The following KLHL14 variants were observed in gnomAD, a reference collection of about 807,000 sequenced individuals.
KLHL14 encodes the protein kelch-like protein 14.
A neutral mutation model predicts 64.3 loss-of-function variants in KLHL14; 22 were observed. That is an observed-to-expected ratio of 0.34 (90% CI 0.24 to 0.49). KLHL14 has a LOEUF of 0.49. Ranked by LOEUF, KLHL14 falls within the 20% of genes least tolerant of loss-of-function variation. The probability of loss-of-function intolerance (pLI) is 0.99; values close to 1 mark genes in which losing one functional copy is unlikely to be tolerated. For missense variants in KLHL14, 661 were observed against 789.0 expected (o/e 0.84, Z 1.94); for synonymous variants, 322 against 333.4 (o/e 0.97, Z 0.37).
chr18:32,694,697 C>T (rs887667470), intron 4 of KLHL14, among the ~76,000 whole-genome samples: 6 of 152,140 alleles, frequency 3.9e-5, no homozygotes, highest in African/African-American at 1.4e-4. Context: ...GCTGGATGTT[C>T]TGGGGTTTTA....
At chr18:32,714,186 T>A (rs1448414500) in intron 3 of KLHL14, among the ~76,000 whole-genome samples, 3 of 152,176 alleles carry the variant, frequency 2.0e-5, no homozygotes, top group Admixed American at 1.3e-4. Flanking sequence ...ACTGCAGTGG[T>A]GAACCCAGTG....
In KLHL14 at chr18:32,683,966, C is replaced by A. The variant is rs1189896336; in HGVS notation, c.1238+3189G>T. 6.6e-6 allele frequency among the ~76,000 whole-genome samples: 1 copy of A among 152,040 alleles called. No homozygotes were observed. Among genetic ancestry groups the A allele is most frequent in the African/African-American group, 2.4e-5 (1 of 41,412 alleles). On this transcript the variant is annotated intron_variant, in intron 5 of 8. Coordinates refer to ENST00000359358, the MANE Select transcript of KLHL14 (RefSeq NM_020805.3). This position sits in a 1 kb window ranked among gnomAD's most constrained non-coding sequence, Gnocchi z 4.2. ...TGATGCATTTTTGACATATTAAGTT[C>A]TTGTCTTTTATTTACTCTGTGAAAT...
At chr18:32,686,271 C>G (rs2049878882) in intron 5 of KLHL14, among the ~76,000 whole-genome samples, 1 of 150,476 alleles carries the variant, frequency 6.6e-6, no homozygotes, top group Non-Finnish European at 1.5e-5. Flanking sequence ...CTTCGTGATC[C>G]ACCCACCTCG....
rs902997633 is a variant in KLHL14 at position 32,673,553 on chromosome 18, A to G, written c.*1104T>C. The G allele has an allele frequency of 6.6e-6, 1 of 152,192 alleles. No individual in the cohort carries two copies. The highest frequency in any genetic ancestry group is 2.4e-5 in the African/African-American group (1 of 41,452). 9.4% of individuals were successfully genotyped at this position (152,192 alleles called of 1,614,324 possible). ...CATCTCTGGTGATAACAAACAAAAT[A>G]TGATGAATTGGGGGAATAACGATCG... On this transcript the variant is annotated 3_prime_UTR_variant, in exon 9 of 9. Coordinates refer to ENST00000359358, the MANE Select transcript of KLHL14 (RefSeq NM_020805.3).
intron 2 of KLHL14, 57 bp downstream of exon 2, chr18:32,769,588 T>G: frequency 1.7e-5 from 2 of 118,216 alleles, no homozygotes; most frequent in Non-Finnish European, 1.5e-5. Flanking sequence ...CTCCCCTCCC[T>G]CCGGCCTCTC....
In KLHL14 at chr18:32,674,458, T is replaced by C; in HGVS notation, c.*199A>G. On this transcript the variant is annotated 3_prime_UTR_variant, in exon 9 of 9. Transcript: ENST00000359358. ...TGGAAGAGTCTGTCACCACAGGAAG[T>C]TTGGTGCGATCTGAGTTATAGACAT... 1 of 468,676 alleles carries C rather than the reference T, an allele frequency of 2.1e-6. No homozygotes were observed. The allele number at this position is 468,676 out of a possible 1,614,324, so 29.0% of individuals were successfully genotyped here. A position where few individuals can be genotyped will look rare whatever the true frequency, so the allele number is the denominator to read the frequency against.
intron 3 of KLHL14, among the ~76,000 whole-genome samples, chr18:32,716,162 A>G (rs564424191): frequency 2.0e-5 from 3 of 152,346 alleles, no homozygotes; most frequent in South Asian, 2.1e-4. Flanking sequence ...TTTTTAAAAT[A>G]TAGTCAACTT....
At chr18:32,675,538 G>C (rs987445502) in intron 8 of KLHL14, among the ~76,000 whole-genome samples, 3 of 152,080 alleles carry the variant, frequency 2.0e-5, no homozygotes, top group Admixed American at 1.3e-4. Context: ...TTGAAAACCA[G>C]TTCAAAGTAA....
At chr18:32,711,925 C>T (rs1263304856) in intron 3 of KLHL14, among the ~76,000 whole-genome samples, 1 of 152,184 alleles carries the variant, frequency 6.6e-6, no homozygotes, top group African/African-American at 2.4e-5. Context: ...ATTTACATCG[C>T]TATGTGAATA....
chr18:32,679,318 T>C (rs2049826574), intron 7 of KLHL14, among the ~76,000 whole-genome samples: 1 of 152,172 alleles, frequency 6.6e-6, no homozygotes, highest in African/African-American at 2.4e-5. Context: ...AAAAAATAAA[T>C]GCACACATGT....
intron 3 of KLHL14, among the ~76,000 whole-genome samples, chr18:32,724,913 ATGT>A (rs1428419349): frequency 1.3e-5 from 2 of 152,218 alleles, no homozygotes; most frequent in African/African-American, 2.4e-5. Flanking sequence ...AAATAAAACC[ATGT>A]TTGTAATGTG....
At chr18:32,767,223 A>G (rs757602719) in intron 2 of KLHL14, among the ~76,000 whole-genome samples, 4 of 152,192 alleles carry the variant, frequency 2.6e-5, no homozygotes, top group Non-Finnish European at 4.4e-5. Flanking sequence ...GCTATAATAA[A>G]TGGGCTGATT....
chr18:32,685,141 C>T (rs1288320930), intron 5 of KLHL14, among the ~76,000 whole-genome samples: 2 of 152,026 alleles, frequency 1.3e-5, no homozygotes, highest in Non-Finnish European at 2.9e-5. Context: ...GGCTGCCGGG[C>T]GCCGACAGAC....
intron 3 of KLHL14, among the ~76,000 whole-genome samples, chr18:32,719,669 A>G (rs1164597348): frequency 6.6e-6 from 1 of 152,244 alleles, no homozygotes; most frequent in East Asian, 1.9e-4. Flanking sequence ...TGCTTGACAC[A>G]GTGGCTAAAA....
chr18:32,769,612 C>A (rs568688795), intron 2 of KLHL14, 33 bp downstream of exon 2: 52 of 1,139,746 alleles, frequency 4.6e-5, no homozygotes, highest in Middle Eastern at 3.1e-4. Context: ...CTCTACCCCC[C>A]CCTCCCCCGC....
At position 32,691,727 on chromosome 18, in the gene KLHL14, A is replaced by T. The variant is rs1335097242; in HGVS notation, c.1159+3736T>A. On this transcript the variant is annotated intron_variant, in intron 4 of 8. Coordinates refer to ENST00000359358, the MANE Select transcript of KLHL14 (RefSeq NM_020805.3). ...CTCCTTCCTTGTGGCTACTATTGAG[A>T]TGCTACCAGCAGCTTGAGAGTGGCA... is the stretch of plus-strand genomic sequence containing the variant. Among the ~76,000 whole-genome samples the T allele has an allele frequency of 2.0e-5, 3 of 152,210 alleles. No individual in the cohort carries two copies. The East Asian group carries it at 5.8e-4, about 29-fold the overall frequency.
chr18:32,714,698 C>T (rs897939998), intron 3 of KLHL14, among the ~76,000 whole-genome samples: 17 of 152,138 alleles, frequency 1.1e-4, no homozygotes, highest in Non-Finnish European at 1.8e-4. Context: ...TGTTCAAACT[C>T]GCCTTTCGTT....
At chr18:32,726,607 G>C (rs555696933) in intron 3 of KLHL14, among the ~76,000 whole-genome samples, 1 of 151,940 alleles carries the variant, frequency 6.6e-6, no homozygotes, top group East Asian at 1.9e-4. Context: ...CAGGGTGACA[G>C]AGCAAGACTG....
At position 32,680,683 on chromosome 18, in the gene KLHL14, G is replaced by T; in HGVS notation, c.1239-84C>A. On this transcript the variant is annotated intron_variant, in intron 5 of 8. Coordinates refer to ENST00000359358, the MANE Select transcript of KLHL14 (RefSeq NM_020805.3). This position sits in a 1 kb window ranked among gnomAD's most constrained non-coding sequence, Gnocchi z 4.8. The stretch of plus-strand genomic sequence containing the variant: ...AAATAAGATAAGCACCACACAGCTA[G>T]TCAGGGAAAGGGGTGCATTCTGCTT... 1 of 1,329,932 alleles carries T rather than the reference G, an allele frequency of 7.5e-7. No individual in the cohort carries two copies. The highest frequency in any genetic ancestry group is 1.4e-5 in the South Asian group (1 of 73,820). The allele number at this position is 1,329,932 out of a possible 1,614,324, so 82.4% of individuals were successfully genotyped here. A position where few individuals can be genotyped will look rare whatever the true frequency, so the allele number is the denominator to read the frequency against.
Sources: gnomAD v4.1 joint callset for allele counts (sites outside exome capture counted in the v4.1 genomes callset) on GRCh38, gnomAD v4.1.1 for gene constraint, Gnocchi (gnomAD v3.1) non-coding constraint, MANE v1.5 for transcripts, NCBI Gene and HGNC (gene_info 2026-07-23, HGNC 2026-07-21) for gene names.